SMG5: variants seen among roughly 807,000 people sequenced by gnomAD.
SMG5 encodes SMG5 nonsense mediated mRNA decay factor, also known as nonsense-mediated mRNA decay factor SMG5.
Under a neutral mutation model 122.9 loss-of-function variants are expected in SMG5, and 53 were observed. That is an observed-to-expected ratio of 0.43 (90% CI 0.35 to 0.54). The LOEUF is 0.54. SMG5 is among the 20% of genes least tolerant of loss of function. The pLI, the probability that SMG5 is intolerant of heterozygous loss-of-function variation, is 0.01. For synonymous variants in SMG5, 477 were observed against 490.2 expected (o/e 0.97, Z 0.35); for missense variants, 1,153 against 1,285.6 (o/e 0.90, Z 1.58).
intron 2 of SMG5, 85 bp from the exon 3 acceptor site, chr1:156,278,133 A>G: frequency 1.3e-6 from 2 of 1,525,450 alleles, no homozygotes; most frequent in Non-Finnish European, 1.8e-6. Flanking sequence ...TCATGTGCCA[A>G]CACCCCCACC....
Position 156,261,368 on chromosome 1 carries a change from T to G in SMG5, c.2072A>C (p.Asn691Thr). The change falls in exon 14 of 22, where the codon AAT becomes ACT. Residue 691 changes from asparagine (N) to threonine (T), a missense_variant. By Grantham distance (65) the Asn-to-Thr change is moderately conservative. Transcript: ENST00000361813. ...SLWNRLSVLLNLLPAAGELQE... is the reference protein window; with the variant it reads ...SLWNRLSVLLTLLPAAGELQE... ...GAGTTCACCAGCAGCAGGCAACAGA[T>G]TCAGCAACACAGACAGGCGGTTCCA... 6.2e-7 allele frequency: 1 copy of G among 1,614,014 alleles called. No homozygotes were observed. The highest frequency in any genetic ancestry group is 8.5e-7 in the Non-Finnish European group (1 of 1,179,998).
the SMG5 span, chr1:156,290,186 G>C: frequency 6.6e-6 from 1 of 152,148 alleles, no homozygotes; most frequent in Non-Finnish European, 1.5e-5. Flanking sequence ...AGTCTATATA[G>C]TATGCTGCCA....
chr1:156,262,458 A>G (rs893621265), intron 13 of SMG5, among the ~76,000 whole-genome samples: 7 of 147,934 alleles, frequency 4.7e-5, no homozygotes, highest in Non-Finnish European at 1.0e-4. Context: ...CCTGGGCGAC[A>G]GAGCCAGACT....
At chr1:156,288,189 C>T in the SMG5 span, among the ~76,000 whole-genome samples, 1 of 144,024 alleles carries the variant, frequency 6.9e-6, no homozygotes, top group African/African-American at 2.6e-5. Flanking sequence ...AAGAGTGAGA[C>T]TCCGTCTCAA....
At chr1:156,254,949 G>T (rs1661515410) in intron 16 of SMG5, among the ~76,000 whole-genome samples, 1 of 151,010 alleles carries the variant, frequency 6.6e-6, no homozygotes, top group Non-Finnish European at 1.5e-5. Flanking sequence ...AATTAGCTGG[G>T]TGTGGTCACG....
intron 7 of SMG5, among the ~76,000 whole-genome samples, chr1:156,271,669 G>GTTCAAGTGATTCTCCTGCA (rs1662441430): frequency 1.9e-5 from 1 of 53,370 alleles, no homozygotes; most frequent in Non-Finnish European, 5.4e-5. Context: ...TGCCTCCTGG[G>GTTCAAGTGATTCTCCTGCA]TTCAAGTGAT....
intron 5 of SMG5, among the ~76,000 whole-genome samples, chr1:156,273,718 C>CT (rs748042052): frequency 0.2 from 22,861 of 116,204 alleles, 2,475 homozygotes; most frequent in South Asian, 0.3. Flanking sequence ...GTTTTGTTTT[C>CT]TTTTTTTTTT....
At chr1:156,287,253 A>G (rs377518163), upstream of SMG5, among the ~76,000 whole-genome samples, 1 of 151,984 alleles carries the variant, frequency 6.6e-6, no homozygotes, top group Non-Finnish European at 1.5e-5. Context: ...CAGGTCTACT[A>G]AAAATACAAA....
intron 13 of SMG5, among the ~76,000 whole-genome samples, chr1:156,262,112 C>G (rs1360920715): frequency 6.6e-6 from 1 of 152,058 alleles, no homozygotes; most frequent in Admixed American, 6.6e-5. Flanking sequence ...GTAATCTCAG[C>G]ACTTTGGGAG....
intron 10 of SMG5, 90 bp from the exon 11 acceptor site, chr1:156,266,768 C>T: frequency 2.2e-6 from 3 of 1,376,402 alleles, no homozygotes; most frequent in African/African-American, 2.9e-5. Flanking sequence ...CTGTTCTCAA[C>T]TCTTCCAAGG....
chr1:156,256,927 CTTTT>C (rs10706859), intron 16 of SMG5, among the ~76,000 whole-genome samples: 2 of 138,756 alleles, frequency 1.4e-5, no homozygotes, highest in Non-Finnish European at 1.5e-5. Flanking sequence ...TTTTCTTTTC[CTTTT>C]TTTTTTTTTT....
chr1:156,255,149 C>T (rs1661522629), intron 16 of SMG5, among the ~76,000 whole-genome samples: 1 of 151,818 alleles, frequency 6.6e-6, no homozygotes. Flanking sequence ...GGGCCAGGCA[C>T]AGTGGTTCAC....
chr1:156,260,415 C>A (rs2287024), intron 15 of SMG5, 36 bp downstream of exon 15: 361,962 of 1,581,356 alleles, frequency 0.23, 43,336 homozygotes, highest in Admixed American at 0.36. Flanking sequence ...TTGTGACTGA[C>A]AAACAGAGCT....
chr1:156,271,580 T>G (rs1353807386), intron 7 of SMG5, among the ~76,000 whole-genome samples: 8 of 144,520 alleles, frequency 5.5e-5, no homozygotes, highest in African/African-American at 2.1e-4. Flanking sequence ...TTTTTTTTTT[T>G]TTTTTTTTTT....
At chr1:156,259,973 C>A (rs1661745793) in intron 15 of SMG5, among the ~76,000 whole-genome samples, 1 of 152,134 alleles carries the variant, frequency 6.6e-6, no homozygotes, top group Admixed American at 6.6e-5. Context: ...GACTGGGTGG[C>A]CTGTCTGCTT....
At position 156,250,954 on chromosome 1, in the gene SMG5, C is replaced by T; in HGVS notation, c.2871G>A (p.Leu957=). The T allele has an allele frequency of 6.2e-7, 1 of 1,614,018 alleles. No homozygotes were observed. Among genetic ancestry groups the T allele is most frequent in the Non-Finnish European group, 8.5e-7 (1 of 1,179,954 alleles). ...GATCCTCCTCACCTGCCCCCTGGGC[C>T]AGAGTCAGCTGTTTGCAGCTGTCTA... ...KILDSCKQLT[L]AQGAGEEDPS... Residue 957 remains leucine (L), a synonymous_variant, in exon 21 of 22, where the codon CTG becomes CTA. Coordinates refer to ENST00000361813, the MANE Select transcript of SMG5 (RefSeq NM_015327.3).
intron 12 of SMG5, 25 bp downstream of exon 12, chr1:156,265,756 C>T: frequency 3.7e-6 from 6 of 1,604,364 alleles, no homozygotes; most frequent in Non-Finnish European, 5.1e-6. Flanking sequence ...CGGACCAGAA[C>T]AGGATGATGA....
chr1:156,254,252 T>A (rs1372691476), intron 16 of SMG5, among the ~76,000 whole-genome samples: 1 of 152,150 alleles, frequency 6.6e-6, no homozygotes, highest in African/African-American at 2.4e-5. Flanking sequence ...CAATCCCTCT[T>A]CTCCACCTAC....
chr1:156,286,007 G>A (rs1008236769), upstream of SMG5: 1 of 1,579,930 alleles, frequency 6.3e-7, no homozygotes, highest in Non-Finnish European at 8.6e-7. Flanking sequence ...AAGAAAGGGG[G>A]CATCGGGAAG....
Sources: allele counts gnomAD v4.1 joint callset (sites outside exome capture counted in the v4.1 genomes callset), GRCh38; gene constraint gnomAD v4.1.1; transcripts MANE v1.5; gene names NCBI Gene and HGNC (gene_info 2026-07-23, HGNC 2026-07-21).